Variants in JAKMIP2 observed in about 807,000 individuals in gnomAD.
JAKMIP2 encodes janus kinase and microtubule interacting protein 2, also known as janus kinase and microtubule-interacting protein 2.
In JAKMIP2, 25 loss-of-function variants were observed where a neutral mutation model predicts 115.0. The observed-to-expected ratio is 0.22, with a 90% CI of 0.16 to 0.30. The LOEUF (loss-of-function observed/expected upper bound fraction) is 0.30, where lower values mean the gene tolerates loss of function less well. Among genes scored for constraint, JAKMIP2 ranks in the 10% least tolerant of loss-of-function variants. The probability of loss-of-function intolerance (pLI) is 1.00; values close to 1 mark genes in which losing one functional copy is unlikely to be tolerated. For missense variants in JAKMIP2, 642 were observed against 957.6 expected, an observed-to-expected ratio of 0.67 and a Z score of 4.35; for synonymous variants, 334 against 343.6, an observed-to-expected ratio of 0.97 and a Z score of 0.31.
intron 1 of JAKMIP2, among the ~76,000 whole-genome samples, chr5:147,777,699 T>C (rs1755612915): frequency 6.6e-6 from 1 of 152,178 alleles, no homozygotes; most frequent in Non-Finnish European, 1.5e-5. Context: ...TTTTTTAGTG[T>C]GACAGGTCCC....
At chr5:147,730,117 G>C (rs1443220122) in intron 1 of JAKMIP2, among the ~76,000 whole-genome samples, 1 of 152,190 alleles carries the variant, frequency 6.6e-6, no homozygotes, top group Non-Finnish European at 1.5e-5. Context: ...GGTCTCTGCA[G>C]AGTCTGGCAC....
chr5:147,665,187 G>C (rs893564456), intron 2 of JAKMIP2, among the ~76,000 whole-genome samples: 1 of 152,126 alleles, frequency 6.6e-6, no homozygotes, highest in African/African-American at 2.4e-5. Context: ...AGTTTATTGG[G>C]ACACAGCCAT....
intron 1 of JAKMIP2, among the ~76,000 whole-genome samples, chr5:147,702,637 A>G (rs573455957): frequency 7.5e-5 from 10 of 133,396 alleles, no homozygotes; most frequent in Non-Finnish European, 1.2e-4. Context: ...AGAAAGAAAG[A>G]AAGAAAGAAA....
chr5:147,775,109 T>A lies in JAKMIP2; in HGVS notation c.-149+7347A>T, dbSNP rs376803248. ...CAAAGGCTTTTTCCTCATACTTAAG[T>A]TACAGCGTATCAGCAGGTTAGACAC... On this transcript the variant is annotated intron_variant, in intron 1 of 21. Coordinates refer to ENST00000616793, the MANE Select transcript of JAKMIP2 (RefSeq NM_001270941.2). Among the ~76,000 whole-genome samples the A allele has an allele frequency of 1.7e-4, 26 of 152,302 alleles. 1 individual carries two copies. In the South Asian group the frequency reaches 5.4e-3, roughly 32 times the overall value.
intron 1 of JAKMIP2, among the ~76,000 whole-genome samples, chr5:147,745,944 G>A (rs992154796): frequency 2.6e-5 from 4 of 152,058 alleles, no homozygotes; most frequent in Non-Finnish European, 5.9e-5. Flanking sequence ...TGGTTTAATA[G>A]GAGTACAATA....
intron 1 of JAKMIP2, among the ~76,000 whole-genome samples, chr5:147,744,143 C>A (rs914121628): frequency 1.3e-5 from 2 of 151,856 alleles, no homozygotes; most frequent in East Asian, 3.9e-4. Context: ...AATAAATGAA[C>A]GAACACAGCA....
intron 21 of JAKMIP2, among the ~76,000 whole-genome samples, chr5:147,594,980 A>G (rs1024845059): frequency 2.0e-5 from 3 of 152,114 alleles, no homozygotes; most frequent in Admixed American, 6.5e-5. Context: ...GGAAGGATGA[A>G]TGGGTATCAA....
chr5:147,645,030 G>C, intron 5 of JAKMIP2, 34 bp from the exon 6 acceptor site: 1 of 1,608,120 alleles, frequency 6.2e-7, no homozygotes, highest in Non-Finnish European at 8.5e-7. Context: ...TGTGTCTTGC[G>C]TTTGGGGGAC....
At chr5:147,683,955 T>G (rs768218608) in intron 1 of JAKMIP2, among the ~76,000 whole-genome samples, 2 of 152,202 alleles carry the variant, frequency 1.3e-5, no homozygotes, top group Non-Finnish European at 2.9e-5. Context: ...TATTAGTATT[T>G]TCCCTATGTT....
intron 1 of JAKMIP2, among the ~76,000 whole-genome samples, chr5:147,781,835 G>T (rs924262564): frequency 7.9e-5 from 12 of 152,114 alleles, no homozygotes; most frequent in African/African-American, 2.9e-4. Flanking sequence ...CAATATAAAT[G>T]CTAAGTGACA....
intron 14 of JAKMIP2, 102 bp downstream of exon 14, chr5:147,631,311 C>T (rs1581322013): frequency 4.8e-6 from 3 of 629,956 alleles, no homozygotes; most frequent in East Asian, 5.6e-5. Flanking sequence ...AAAATGATGA[C>T]ATCCAGTGAC....
At chr5:147,607,376 A>C (rs1339592817) in intron 20 of JAKMIP2, among the ~76,000 whole-genome samples, 1 of 152,228 alleles carries the variant, frequency 6.6e-6, no homozygotes, top group Non-Finnish European at 1.5e-5. Context: ...GAGTGTTTTT[A>C]GCATGAATGG....
Position 147,782,581 on chromosome 5 carries a change from CCT to C in JAKMIP2, c.-276_-275del, listed in dbSNP as rs151147985. 823 of 997,090 alleles carry C rather than the reference CCT, an allele frequency of 8.3e-4. 7 individuals are homozygous for C. In the African/African-American group the frequency reaches 0.011, roughly 14 times the overall value. The allele number at this position is 997,090 out of a possible 1,614,324, so 61.8% of individuals were successfully genotyped here. A position where few individuals can be genotyped will look rare whatever the true frequency, so the allele number is the denominator to read the frequency against. The stretch of plus-strand genomic sequence containing the variant: ...GCAGTGGCTGCCGGTTTTTTTTTTC[CCT>C]CTGTCTCTGGTTGGCGATGGTGCGA... On this transcript the variant is annotated 5_prime_UTR_variant, in exon 1 of 22. Transcript: ENST00000616793.
intron 16 of JAKMIP2, among the ~76,000 whole-genome samples, chr5:147,624,267 A>G (rs1756995859): frequency 6.6e-6 from 1 of 152,174 alleles, no homozygotes. Context: ...TGCAGTGGTG[A>G]ACCAGATCAA....
At chr5:147,752,375 T>G (rs1344271161) in intron 1 of JAKMIP2, among the ~76,000 whole-genome samples, 1 of 152,194 alleles carries the variant, frequency 6.6e-6, no homozygotes, top group East Asian at 1.9e-4. Context: ...GTGAGTGACA[T>G]GACCATATTT....
At chr5:147,623,881 G>A (rs553757517) in intron 16 of JAKMIP2, among the ~76,000 whole-genome samples, 192 bp from the exon 17 acceptor site, 1 of 152,250 alleles carries the variant, frequency 6.6e-6, no homozygotes, top group East Asian at 1.9e-4. Flanking sequence ...CCGTTGCCCA[G>A]GCTGGAGTGC....
chr5:147,686,343 C>A (rs1408922319), intron 1 of JAKMIP2, among the ~76,000 whole-genome samples: 2 of 151,780 alleles, frequency 1.3e-5, no homozygotes, highest in African/African-American at 4.9e-5. Context: ...GGTGGGGGGG[C>A]ACTGTTTTCC....
Position 147,618,006 on chromosome 5 carries a change from C to T in JAKMIP2, c.2251G>A (p.Val751Ile). ...EKQQEELRTAVEKLRRQMLRK... is the reference protein window; with the variant it reads ...EKQQEELRTAIEKLRRQMLRK... Reference sequence around the variant, plus strand: ...AGCATTTGCCGCCGTAACTTTTCTACTGCCGTCCTCAGCTCCTCTTGCTGT... The same window carrying T: ...AGCATTTGCCGCCGTAACTTTTCTATTGCCGTCCTCAGCTCCTCTTGCTGT... Residue 751 changes from valine (V) to isoleucine (I), a missense_variant, in exon 19 of 22, where the codon GTA becomes ATA. Transcript: ENST00000616793. 1 of 1,614,198 alleles carries T rather than the reference C, an allele frequency of 6.2e-7. No homozygotes were observed. The highest frequency in any genetic ancestry group is 8.5e-7 in the Non-Finnish European group (1 of 1,180,008).
chr5:147,702,689 A>AAAGAAAGAGAAAG, intron 1 of JAKMIP2, among the ~76,000 whole-genome samples: 1 of 139,790 alleles, frequency 7.2e-6, no homozygotes, highest in Non-Finnish European at 1.5e-5. Context: ...AGAAAGAAAG[A>AAAGAAAGAGAAAG]AAAGAAAAGA....
Sources: allele counts gnomAD v4.1 joint callset (sites outside exome capture counted in the v4.1 genomes callset), GRCh38; gene constraint gnomAD v4.1.1; transcripts MANE v1.5; gene names NCBI Gene and HGNC (gene_info 2026-07-23, HGNC 2026-07-21).